Variants in CTIF observed in about 807,000 individuals in gnomAD.
The protein encoded by CTIF is cap binding complex dependent translation initiation factor.
A neutral mutation model predicts 66.0 loss-of-function variants in CTIF; 21 were observed. That is an observed-to-expected ratio of 0.32 (90% confidence interval 0.23 to 0.46). CTIF has a LOEUF of 0.46. Ranked by LOEUF, CTIF falls within the 20% of genes least tolerant of loss-of-function variation. CTIF has a pLI of 1.00. For synonymous variants in CTIF, 345 were observed against 326.4 expected, an observed-to-expected ratio of 1.06 and a Z score of -0.62; for missense variants, 739 against 812.7, an observed-to-expected ratio of 0.91 and a Z score of 1.10.
intron 1 of CTIF, among the ~76,000 whole-genome samples, chr18:48,573,257 G>A (rs2089458646): frequency 6.6e-6 from 1 of 152,176 alleles, no homozygotes; most frequent in Non-Finnish European, 1.5e-5. Context: ...TGGGGTCAGA[G>A]CAGCTTTAAA....
intron 1 of CTIF, among the ~76,000 whole-genome samples, chr18:48,594,065 C>T (rs7239821): frequency 6.7e-6 from 1 of 150,342 alleles, no homozygotes; most frequent in Non-Finnish European, 1.5e-5. Context: ...CACAAGCCCC[C>T]CCTCCTATCT....
intron 10 of CTIF, among the ~76,000 whole-genome samples, chr18:48,842,581 G>C (rs2068971125): frequency 6.6e-6 from 1 of 152,164 alleles, no homozygotes; most frequent in East Asian, 1.9e-4. Flanking sequence ...ACTTACTGCT[G>C]GGCAATGCTT....
At chr18:48,792,319 T>A (rs892243771) in intron 9 of CTIF, among the ~76,000 whole-genome samples, 1 of 151,248 alleles carries the variant, frequency 6.6e-6, no homozygotes, top group African/African-American at 2.4e-5. Flanking sequence ...GTGGGAGCCA[T>A]GGGAAGGCAT....
intron 6 of CTIF, among the ~76,000 whole-genome samples, chr18:48,686,583 G>C (rs370042235): frequency 1.3e-5 from 2 of 152,294 alleles, no homozygotes; most frequent in African/African-American, 4.8e-5. Context: ...TGGGTTCTCA[G>C]GTCACAGCTT....
chr18:48,571,430 A>G (rs971353562), intron 1 of CTIF, among the ~76,000 whole-genome samples: 1 of 152,240 alleles, frequency 6.6e-6, no homozygotes, highest in Non-Finnish European at 1.5e-5. Flanking sequence ...TGTTGGGATT[A>G]CAGGCGTGAG....
chr18:48,769,164 C>T (rs969243842), intron 9 of CTIF, among the ~76,000 whole-genome samples: 2 of 152,340 alleles, frequency 1.3e-5, no homozygotes, highest in Non-Finnish European at 2.9e-5. Context: ...GCACACCCAC[C>T]GCTGAGCCGA....
At chr18:48,680,387 GCCTTCCTC>G in intron 6 of CTIF, among the ~76,000 whole-genome samples, 1 of 152,394 alleles carries the variant, frequency 6.6e-6, no homozygotes, top group Admixed American at 6.5e-5. Context: ...ATTGAGGACA[GCCTTCCTC>G]AAGGTCTCAG....
At chr18:48,820,334 A>G (rs565780399) in intron 10 of CTIF, among the ~76,000 whole-genome samples, 171 of 152,228 alleles carry the variant, frequency 1.1e-3, no homozygotes, top group African/African-American at 4.0e-3. Flanking sequence ...CTTGACCTAC[A>G]TCCCTAAAGC....
intron 1 of CTIF, among the ~76,000 whole-genome samples, chr18:48,580,281 C>G (rs573393409): frequency 4.6e-5 from 7 of 151,468 alleles, no homozygotes; most frequent in Non-Finnish European, 1.5e-5. Context: ...TGAGTGGGTC[C>G]CCTCAGGAGG....
At chr18:48,805,483 G>A (rs571683604) in intron 9 of CTIF, among the ~76,000 whole-genome samples, 121 of 152,216 alleles carry the variant, frequency 7.9e-4, no homozygotes, top group Non-Finnish European at 1.5e-3. Flanking sequence ...CTGACACAGG[G>A]GAGACTCGGG....
chr18:48,690,606 G>A (rs2091912005), intron 6 of CTIF, among the ~76,000 whole-genome samples: 1 of 152,106 alleles, frequency 6.6e-6, no homozygotes, highest in Non-Finnish European at 1.5e-5. Flanking sequence ...ATCATGACCT[G>A]GCTCGGGGAT....
chr18:48,726,183 T>G (rs9964701), intron 7 of CTIF, among the ~76,000 whole-genome samples: 43,930 of 151,944 alleles, frequency 0.29, 7,241 homozygotes, highest in African/African-American at 0.45. Flanking sequence ...CATGTTCGGT[T>G]TATGTTTATA....
chr18:48,739,663 T>C (rs1287804584), intron 7 of CTIF, among the ~76,000 whole-genome samples: 1 of 152,198 alleles, frequency 6.6e-6, no homozygotes, highest in Admixed American at 6.5e-5. Flanking sequence ...CATTTCAAAA[T>C]GGCGGCCCGG....
chr18:48,797,728 C>T (rs11662818), intron 9 of CTIF, among the ~76,000 whole-genome samples: 11,956 of 152,152 alleles, frequency 0.079, 491 homozygotes, highest in African/African-American at 0.088. Flanking sequence ...GAGGCCTGCA[C>T]TTTTAGTCCT....
At chr18:48,859,255 C>G (rs1299752872) in intron 11 of CTIF, 89 bp from the exon 12 acceptor site, 1 of 1,117,166 alleles carries the variant, frequency 9.0e-7, no homozygotes, top group Admixed American at 1.7e-5. Flanking sequence ...GACAACCCAG[C>G]TATTTCCTAT....
intron 1 of CTIF, among the ~76,000 whole-genome samples, chr18:48,546,008 G>A (rs188040940): frequency 6.6e-4 from 100 of 152,250 alleles, no homozygotes; most frequent in South Asian, 1.0e-3. Flanking sequence ...GAGGCATTTC[G>A]CTTTTTAACA....
At chr18:48,819,257 G>A (rs1277278660) in intron 10 of CTIF, among the ~76,000 whole-genome samples, 1 of 152,228 alleles carries the variant, frequency 6.6e-6, no homozygotes, top group Admixed American at 6.5e-5. Flanking sequence ...AGCTCCAGGA[G>A]GGCTGGCAGC....
At chr18:48,677,378 T>A (rs898262868) in intron 6 of CTIF, among the ~76,000 whole-genome samples, 14 of 152,090 alleles carry the variant, frequency 9.2e-5, no homozygotes, top group African/African-American at 3.1e-4. Context: ...ATGGACTGAG[T>A]TTAAGTGCAG....
At chr18:48,563,942 C>T (rs1157685954) in intron 1 of CTIF, among the ~76,000 whole-genome samples, 1 of 152,174 alleles carries the variant, frequency 6.6e-6, no homozygotes, top group East Asian at 1.9e-4. Flanking sequence ...AGTCCCCTAC[C>T]CCCTCAAAAG....
Sources: allele counts gnomAD v4.1 joint callset (sites outside exome capture counted in the v4.1 genomes callset), GRCh38; gene constraint gnomAD v4.1.1; transcripts MANE v1.5; gene names NCBI Gene and HGNC (gene_info 2026-07-23, HGNC 2026-07-21).